MEMO1: variants seen among roughly 807,000 people sequenced by gnomAD.
MEMO1 encodes mediator of cell motility 1.
MEMO1 carries 6 observed loss-of-function variants against 45.2 expected under a neutral mutation model. The observed-to-expected ratio is 0.13, with a 90% CI of 0.07 to 0.26. MEMO1 has a LOEUF of 0.26. Ranked by LOEUF, MEMO1 falls within the 10% of genes least tolerant of loss-of-function variation. The pLI is 1.00. For missense variants in MEMO1, 184 were observed against 370.5 expected (o/e 0.50, Z 4.13); for synonymous variants, 78 against 124.3 (o/e 0.63, Z 2.48).
chr2:31,890,538 C>T (rs763750309), intron 7 of MEMO1, among the ~76,000 whole-genome samples: 7 of 152,098 alleles, frequency 4.6e-5, no homozygotes, highest in Non-Finnish European at 1.0e-4. Flanking sequence ...AATGTAACTT[C>T]TGCCAAAGGT....
At chr2:31,984,834 A>G (rs569839998) in intron 2 of MEMO1, among the ~76,000 whole-genome samples, 161 of 152,286 alleles carry the variant, frequency 1.1e-3, no homozygotes, top group African/African-American at 3.6e-3. Context: ...AAAAGGAAAG[A>G]AAGGACATTA....
At chr2:31,902,659 A>G (rs188104452) in intron 6 of MEMO1, among the ~76,000 whole-genome samples, 60 of 152,232 alleles carry the variant, frequency 3.9e-4, no homozygotes, top group African/African-American at 1.4e-3. Context: ...TTTTTGTCTT[A>G]TAGCTTAAAC....
chr2:31,991,823 A>T (rs1671989174), intron 2 of MEMO1, among the ~76,000 whole-genome samples: 2 of 152,200 alleles, frequency 1.3e-5, no homozygotes, highest in Non-Finnish European at 2.9e-5. Flanking sequence ...CTGATTTCTA[A>T]GACACAGGAG....
At chr2:31,998,078 C>G (rs1269490973) in intron 2 of MEMO1, among the ~76,000 whole-genome samples, 9 of 152,180 alleles carry the variant, frequency 5.9e-5, no homozygotes, top group Admixed American at 5.2e-4. Context: ...GTGGCATAAT[C>G]ACAGCTCACT....
At chr2:31,920,734 A>T in intron 5 of MEMO1, 64 bp downstream of exon 5, 1 of 910,476 alleles carries the variant, frequency 1.1e-6, no homozygotes, top group Non-Finnish European at 1.6e-6. Flanking sequence ...TTTTTAAATT[A>T]ATTTACAAGT....
chr2:32,009,579 G>C (rs141990155), intron 2 of MEMO1, among the ~76,000 whole-genome samples: 1,714 of 152,350 alleles, frequency 0.011, 37 homozygotes, highest in African/African-American at 0.039. Flanking sequence ...TCCAGCACCA[G>C]AGGCACGGGG....
intron 3 of MEMO1, among the ~76,000 whole-genome samples, chr2:31,941,566 T>C (rs1665617694): frequency 3.3e-5 from 5 of 152,260 alleles, no homozygotes; most frequent in African/African-American, 1.2e-4. Flanking sequence ...TTACTCAAAA[T>C]GCAGCACAAA....
chr2:31,899,794 G>T (rs1017475142), intron 6 of MEMO1, among the ~76,000 whole-genome samples: 1 of 151,974 alleles, frequency 6.6e-6, no homozygotes, highest in Admixed American at 6.5e-5. Context: ...TCTGACAAAG[G>T]GCTAATATCT....
intron 2 of MEMO1, among the ~76,000 whole-genome samples, chr2:31,964,134 T>C (rs1668335352): frequency 6.6e-6 from 1 of 152,282 alleles, no homozygotes. Flanking sequence ...AATTACCAAA[T>C]TGTATAAAAT....
chr2:31,871,056 A>G (rs910211381), intron 8 of MEMO1, among the ~76,000 whole-genome samples: 1 of 152,228 alleles, frequency 6.6e-6, no homozygotes, highest in African/African-American at 2.4e-5. Context: ...GCAATCTCCA[A>G]ATACATTCAA....
chr2:31,974,658 C>A (rs946884320), intron 2 of MEMO1, among the ~76,000 whole-genome samples: 2 of 150,114 alleles, frequency 1.3e-5, no homozygotes, highest in African/African-American at 4.9e-5. Context: ...GGCAGGAGAA[C>A]CACTTGAACC....
Position 31,909,179 on chromosome 2 carries a change from C to T in MEMO1, c.437+8747G>A, listed in dbSNP as rs1317468533. 2.6e-5 allele frequency among the ~76,000 whole-genome samples: 4 copies of T among 152,168 alleles called. No individual in the cohort carries two copies. The East Asian group carries it at 7.7e-4, about 29-fold the overall frequency. On this transcript the variant is annotated intron_variant, in intron 6 of 9. Coordinates refer to ENST00000404530, the MANE Select transcript of MEMO1 (RefSeq NM_001301833.4). The stretch of plus-strand genomic sequence containing the variant: ...ACAATGAACAGGGAAAAACTGAAAG[C>T]CTTTCCACTAAGATCTGGAACAAGA...
intron 2 of MEMO1, among the ~76,000 whole-genome samples, chr2:31,980,849 T>C (rs933810888): frequency 2.0e-5 from 3 of 152,156 alleles, no homozygotes; most frequent in African/African-American, 4.8e-5. Flanking sequence ...GTACCAAGCA[T>C]GGTAATATAA....
At chr2:31,935,906 T>G (rs1275767786) in intron 3 of MEMO1, among the ~76,000 whole-genome samples, 1 of 152,158 alleles carries the variant, frequency 6.6e-6, no homozygotes, top group African/African-American at 2.4e-5. Flanking sequence ...CTACAGATAT[T>G]CTAATATGCA....
intron 2 of MEMO1, among the ~76,000 whole-genome samples, chr2:31,996,330 T>C (rs1422220534): frequency 2.6e-5 from 4 of 151,960 alleles, no homozygotes; most frequent in Non-Finnish European, 5.9e-5. Context: ...GGCGGATCAC[T>C]TGAGGTCAGA....
At chr2:31,975,184 C>CAAAT (rs1366606027) in intron 2 of MEMO1, among the ~76,000 whole-genome samples, 1 of 152,030 alleles carries the variant, frequency 6.6e-6, no homozygotes, top group African/African-American at 2.4e-5. Flanking sequence ...AAAAAACAAA[C>CAAAT]AAATAAATAA....
intron 2 of MEMO1, among the ~76,000 whole-genome samples, chr2:31,982,357 C>T (rs550624898): frequency 3.3e-5 from 5 of 150,888 alleles, no homozygotes; most frequent in East Asian, 3.9e-4. Flanking sequence ...TTTGGGAGGC[C>T]GAGGCGGGCA....
intron 8 of MEMO1, among the ~76,000 whole-genome samples, chr2:31,878,576 G>A (rs1365103026): frequency 6.6e-6 from 1 of 152,162 alleles, no homozygotes; most frequent in Non-Finnish European, 1.5e-5. Context: ...TGTTTAGTAT[G>A]AGCTGTTTAT....
At chr2:31,894,583 C>G (rs751664642) in intron 6 of MEMO1, among the ~76,000 whole-genome samples, 1 of 152,056 alleles carries the variant, frequency 6.6e-6, no homozygotes, top group Non-Finnish European at 1.5e-5. Context: ...GGAGGCTGCA[C>G]GCATGTACAG....
Sources: gnomAD v4.1 joint callset for allele counts (sites outside exome capture counted in the v4.1 genomes callset) on GRCh38, gnomAD v4.1.1 for gene constraint, MANE v1.5 for transcripts, NCBI Gene and HGNC (gene_info 2026-07-23, HGNC 2026-07-21) for gene names.